STXBP6: variants seen among roughly 807,000 people sequenced by gnomAD.
STXBP6 encodes the protein syntaxin binding protein 6, also known as syntaxin-binding protein 6.
STXBP6 carries 21 observed loss-of-function variants against 26.9 expected under a neutral mutation model. The observed-to-expected ratio is 0.78, with a 90% CI of 0.55 to 1.12. The LOEUF is 1.12. Ranked by LOEUF, STXBP6 falls within the 50% of genes most tolerant of loss-of-function variation. The pLI, the probability that STXBP6 is intolerant of heterozygous loss-of-function variation, is 0.00. For missense variants in STXBP6, 232 were observed against 257.9 expected (o/e 0.90, Z 0.69); for synonymous variants, 97 against 92.6 (o/e 1.05, Z -0.27).
chr14:24,825,922 C>A (rs1202835329), intron 4 of STXBP6, among the ~76,000 whole-genome samples: 2 of 152,248 alleles, frequency 1.3e-5, no homozygotes, highest in Non-Finnish European at 1.5e-5. Context: ...AATAATACTT[C>A]TTTTGGGTCT....
chr14:24,879,872 A>G (rs573250767), intron 2 of STXBP6, among the ~76,000 whole-genome samples: 92 of 152,274 alleles, frequency 6.0e-4, no homozygotes, highest in African/African-American at 2.0e-3. Context: ...ATGGCAGCAA[A>G]TGCCCGCTGA....
chr14:25,016,595 A>G (rs1025100574), intron 1 of STXBP6, among the ~76,000 whole-genome samples: 1 of 152,218 alleles, frequency 6.6e-6, no homozygotes. Flanking sequence ...TTCACATTCT[A>G]GAGAAAGAAA....
In STXBP6 at chr14:24,812,433, CAA is replaced by C; in HGVS notation, c.*274_*275del. The C allele has an allele frequency of 3.1e-6, 1 of 325,192 alleles. No homozygotes were observed. Among genetic ancestry groups the C allele is most frequent in the Non-Finnish European group, 5.6e-6 (1 of 178,912 alleles). The allele number at this position is 325,192 out of a possible 1,614,324, so 20.1% of individuals were successfully genotyped here. A position where few individuals can be genotyped will look rare whatever the true frequency, so the allele number is the denominator to read the frequency against. On this transcript the variant is annotated 3_prime_UTR_variant, in exon 6 of 6. Transcript: ENST00000323944. The stretch of plus-strand genomic sequence containing the variant: ...TATTTTTTAATAAAGAAAACATATT[CAA>C]AACATACATATACACACATACACAC...
intron 1 of STXBP6, among the ~76,000 whole-genome samples, chr14:25,017,259 G>A (rs2075169775): frequency 6.6e-6 from 1 of 152,174 alleles, no homozygotes; most frequent in Admixed American, 6.5e-5. Flanking sequence ...TAATGTTCAA[G>A]GGAGAAAGAA....
intron 1 of STXBP6, chr14:25,010,741 T>C (rs1377993562): frequency 6.6e-6 from 1 of 152,214 alleles, no homozygotes; most frequent in African/African-American, 2.4e-5. Context: ...TACTACATGC[T>C]TTGCATGTGG....
At chr14:24,865,256 G>A (rs1177763819) in intron 2 of STXBP6, among the ~76,000 whole-genome samples, 1 of 152,044 alleles carries the variant, frequency 6.6e-6, no homozygotes, top group Non-Finnish European at 1.5e-5. Flanking sequence ...TGTATATCAA[G>A]CAATGAAGCA....
intron 1 of STXBP6, among the ~76,000 whole-genome samples, chr14:24,990,771 GAGA>G (rs1329520757): frequency 1.3e-5 from 2 of 151,944 alleles, no homozygotes; most frequent in South Asian, 2.1e-4. Context: ...AAGAGGCTGA[GAGA>G]AGAAGGTTGA....
intron 2 of STXBP6, among the ~76,000 whole-genome samples, chr14:24,947,898 A>G (rs2073044027): frequency 6.6e-6 from 1 of 152,010 alleles, no homozygotes; most frequent in Admixed American, 6.6e-5. Context: ...TGTTATATAA[A>G]CTCATATTTC....
At chr14:24,940,054 T>C (rs1349799661) in intron 2 of STXBP6, among the ~76,000 whole-genome samples, 1 of 152,198 alleles carries the variant, frequency 6.6e-6, no homozygotes, top group Admixed American at 6.5e-5. Flanking sequence ...AATGTCACTC[T>C]TTTTGAGAAA....
intron 2 of STXBP6, among the ~76,000 whole-genome samples, chr14:24,865,646 T>C (rs1489074584): frequency 6.6e-6 from 1 of 152,146 alleles, no homozygotes; most frequent in South Asian, 2.1e-4. Context: ...GTTTCCATCA[T>C]CCAGACTGGA....
At chr14:24,924,455 A>G (rs762537686) in intron 2 of STXBP6, among the ~76,000 whole-genome samples, 1 of 152,216 alleles carries the variant, frequency 6.6e-6, no homozygotes, top group Non-Finnish European at 1.5e-5. Context: ...CAGAAATTGC[A>G]AATCATTATA....
At chr14:24,853,770 C>T (rs1301024801) in intron 4 of STXBP6, among the ~76,000 whole-genome samples, 1 of 151,944 alleles carries the variant, frequency 6.6e-6, no homozygotes, top group Non-Finnish European at 1.5e-5. Flanking sequence ...ATACACATAC[C>T]AACAATTTAA....
chr14:24,827,105 G>T (rs997635237), intron 4 of STXBP6, among the ~76,000 whole-genome samples: 1 of 152,198 alleles, frequency 6.6e-6, no homozygotes, highest in African/African-American at 2.4e-5. Flanking sequence ...GGAGGCTGAG[G>T]TGGGAAGATG....
chr14:24,913,728 C>T (rs2071658134), intron 2 of STXBP6, among the ~76,000 whole-genome samples: 1 of 152,112 alleles, frequency 6.6e-6, no homozygotes, highest in African/African-American at 2.4e-5. Flanking sequence ...CTTAAAGACA[C>T]TAATTAAAAA....
At chr14:24,913,876 T>C (rs1320082436) in intron 2 of STXBP6, among the ~76,000 whole-genome samples, 4 of 152,122 alleles carry the variant, frequency 2.6e-5, no homozygotes, top group African/African-American at 7.2e-5. Context: ...CAAGGAAGCA[T>C]TGTGGATGTG....
intron 2 of STXBP6, among the ~76,000 whole-genome samples, chr14:24,914,418 A>G (rs548492402): frequency 6.6e-6 from 1 of 152,304 alleles, no homozygotes; most frequent in East Asian, 1.9e-4. Flanking sequence ...GAATTTCAAA[A>G]TACTGGCTAC....
intron 2 of STXBP6, among the ~76,000 whole-genome samples, chr14:24,903,382 T>C (rs2071279364): frequency 6.6e-6 from 1 of 152,202 alleles, no homozygotes; most frequent in Non-Finnish European, 1.5e-5. Context: ...TACTTGGTCA[T>C]TGTCTCTCTG....
At chr14:24,967,338 A>C (rs1004068222) in intron 2 of STXBP6, among the ~76,000 whole-genome samples, 9 of 152,234 alleles carry the variant, frequency 5.9e-5, no homozygotes, top group Non-Finnish European at 1.3e-4. Flanking sequence ...CTGTATGAGC[A>C]CTGAAGAATG....
At chr14:24,814,954 A>G (rs1566371989) in intron 5 of STXBP6, among the ~76,000 whole-genome samples, 2 of 151,662 alleles carry the variant, frequency 1.3e-5, no homozygotes, top group African/African-American at 4.8e-5. Context: ...TGAGAAATAA[A>G]TTTCTGTTGT....
Sources: gnomAD v4.1 joint callset for allele counts (sites outside exome capture counted in the v4.1 genomes callset) on GRCh38, gnomAD v4.1.1 for gene constraint, MANE v1.5 for transcripts, NCBI Gene and HGNC (gene_info 2026-07-23, HGNC 2026-07-21) for gene names.